FER: variants seen among roughly 807,000 people sequenced by gnomAD.
The protein encoded by FER is FER tyrosine kinase.
A neutral mutation model predicts 111.0 loss-of-function variants in FER; 63 were observed. The observed-to-expected ratio is 0.57, with a 90% CI of 0.46 to 0.70. The LOEUF (loss-of-function observed/expected upper bound fraction) is 0.70. FER is among the 30% of genes least tolerant of loss of function. The pLI is 0.00. For synonymous variants in FER, 327 were observed against 313.9 expected, an observed-to-expected ratio of 1.04 and a Z score of -0.44; for missense variants, 914 against 954.0, an observed-to-expected ratio of 0.96 and a Z score of 0.55.
At chr5:108,775,567 T>C (rs1753397573) in intron 2 of FER, among the ~76,000 whole-genome samples, 1 of 152,218 alleles carries the variant, frequency 6.6e-6, no homozygotes, top group Admixed American at 6.5e-5. Flanking sequence ...AAACATGTTA[T>C]TCATTTGTTT....
chr5:109,184,959 G>A (rs1469246411), intron 18 of FER, among the ~76,000 whole-genome samples: 3 of 152,178 alleles, frequency 2.0e-5, no homozygotes, highest in African/African-American at 7.2e-5. Flanking sequence ...GAAACCACAT[G>A]AGGGATAGAA....
chr5:108,963,136 C>T (rs911496034), intron 13 of FER, among the ~76,000 whole-genome samples: 2 of 152,124 alleles, frequency 1.3e-5, no homozygotes, highest in African/African-American at 4.8e-5. Flanking sequence ...TTAAGAAAGA[C>T]ATCTAGTTTA....
chr5:108,825,685 A>AT, intron 3 of FER, among the ~76,000 whole-genome samples: 1 of 152,314 alleles, frequency 6.6e-6, no homozygotes, highest in Non-Finnish European at 1.5e-5. Flanking sequence ...TGGGGAAGTG[A>AT]TAAGTGTCCA....
intron 3 of FER, among the ~76,000 whole-genome samples, chr5:108,820,855 G>A (rs1758763395): frequency 6.6e-6 from 1 of 152,236 alleles, no homozygotes; most frequent in Non-Finnish European, 1.5e-5. Context: ...GCCAGGTGCA[G>A]TGGCTCACGC....
At chr5:108,953,040 T>G (rs1757973027) in intron 11 of FER, among the ~76,000 whole-genome samples, 1 of 152,064 alleles carries the variant, frequency 6.6e-6, no homozygotes, top group Admixed American at 6.6e-5. Flanking sequence ...ATTTCTATTA[T>G]AGTAAAAATT....
chr5:108,978,409 C>G (rs1761642384), intron 13 of FER, among the ~76,000 whole-genome samples: 1 of 152,154 alleles, frequency 6.6e-6, no homozygotes, highest in South Asian at 2.1e-4. Flanking sequence ...TTATTTCATA[C>G]CTTTCTATCT....
At chr5:109,134,650 C>T (rs942053796) in intron 17 of FER, among the ~76,000 whole-genome samples, 1 of 152,086 alleles carries the variant, frequency 6.6e-6, no homozygotes, top group Non-Finnish European at 1.5e-5. Flanking sequence ...AAGAGCAGTT[C>T]GGCCAAGGAA....
At chr5:108,999,270 A>C (rs1023096788) in intron 13 of FER, among the ~76,000 whole-genome samples, 3 of 152,154 alleles carry the variant, frequency 2.0e-5, no homozygotes, top group Non-Finnish European at 2.9e-5. Flanking sequence ...GTTACGTTTT[A>C]AATTTTTTAT....
chr5:108,924,875 C>T (rs1753528025), intron 10 of FER: 2 of 1,044,340 alleles, frequency 1.9e-6, no homozygotes. Context: ...TTTTATGCGG[C>T]TGCTTCAAAT....
intron 5 of FER, among the ~76,000 whole-genome samples, chr5:108,852,688 A>G (rs1439342927): frequency 6.6e-6 from 1 of 152,054 alleles, no homozygotes; most frequent in Non-Finnish European, 1.5e-5. Context: ...GTTTCCACTT[A>G]TTTTTGGATT....
chr5:109,157,065 T>C (rs1224191530), intron 17 of FER, among the ~76,000 whole-genome samples: 1 of 152,078 alleles, frequency 6.6e-6, no homozygotes, highest in Non-Finnish European at 1.5e-5. Flanking sequence ...ATCACAGGAA[T>C]ATCATAGTGT....
At chr5:109,003,071 G>C (rs1395218176) in intron 13 of FER, among the ~76,000 whole-genome samples, 1 of 152,130 alleles carries the variant, frequency 6.6e-6, no homozygotes, top group African/African-American at 2.4e-5. Context: ...ATTCCTCAGG[G>C]ATCTAGAACT....
chr5:108,893,409 C>G (rs906607099), intron 9 of FER, among the ~76,000 whole-genome samples: 14 of 150,842 alleles, frequency 9.3e-5, no homozygotes, highest in Non-Finnish European at 1.5e-4. Flanking sequence ...AGGTTTTCTT[C>G]TTTATTTTTT....
chr5:108,926,072 T>C (rs532947035), intron 10 of FER, among the ~76,000 whole-genome samples: 49 of 82,886 alleles, frequency 5.9e-4, no homozygotes, highest in South Asian at 2.9e-3. Context: ...ATATTTTTCT[T>C]TTTTTTTATA....
At chr5:108,908,543 A>G (rs1232770047) in intron 10 of FER, among the ~76,000 whole-genome samples, 1 of 152,138 alleles carries the variant, frequency 6.6e-6, no homozygotes, top group Non-Finnish European at 1.5e-5. Flanking sequence ...ACCTGAAAAA[A>G]GTCATTCCAG....
intron 2 of FER, chr5:108,785,190 A>G: frequency 1.6e-6 from 1 of 626,280 alleles, no homozygotes; most frequent in South Asian, 2.0e-5. Context: ...GGTTATCTGA[A>G]CACTGTGACT....
chr5:109,099,075 A>C (rs924843573), intron 16 of FER, among the ~76,000 whole-genome samples: 2 of 151,660 alleles, frequency 1.3e-5, no homozygotes, highest in Non-Finnish European at 3.0e-5. Context: ...ATAAAATGCT[A>C]ATCTCTCTTT....
intron 10 of FER, among the ~76,000 whole-genome samples, chr5:108,925,640 A>T (rs770206542): frequency 6.6e-6 from 1 of 152,102 alleles, no homozygotes; most frequent in Non-Finnish European, 1.5e-5. Flanking sequence ...TGGTCTTCAA[A>T]TAAGAATTGT....
intron 5 of FER, among the ~76,000 whole-genome samples, chr5:108,836,524 A>G (rs1416182358): frequency 6.6e-6 from 1 of 151,838 alleles, no homozygotes; most frequent in Non-Finnish European, 1.5e-5. Flanking sequence ...AAGTTGGAGG[A>G]TTTTTCTTTT....
Sources: gnomAD v4.1 joint callset for allele counts (sites outside exome capture counted in the v4.1 genomes callset) on GRCh38, gnomAD v4.1.1 for gene constraint, MANE v1.5 for transcripts, NCBI Gene and HGNC (gene_info 2026-07-23, HGNC 2026-07-21) for gene names.